CNTNAP2: variants seen among roughly 807,000 people sequenced by gnomAD.
CNTNAP2 encodes contactin associated protein 2.
A neutral mutation model predicts 155.2 loss-of-function variants in CNTNAP2; 98 were observed. That is an observed-to-expected ratio of 0.63 (90% CI 0.54 to 0.75). The LOEUF (loss-of-function observed/expected upper bound fraction) is 0.75. Among genes scored for constraint, CNTNAP2 ranks in the 30% least tolerant of loss-of-function variants. CNTNAP2 has a pLI of 0.00. For missense variants in CNTNAP2, 1,727 were observed against 1,688.1 expected, an observed-to-expected ratio of 1.02 and a Z score of -0.40; for synonymous variants, 651 against 631.2, an observed-to-expected ratio of 1.03 and a Z score of -0.47.
intron 13 of CNTNAP2, among the ~76,000 whole-genome samples, chr7:147,664,581 G>A (rs933162438): frequency 2.6e-5 from 4 of 152,110 alleles, no homozygotes; most frequent in Non-Finnish European, 5.9e-5. Flanking sequence ...CAGCCAAAAC[G>A]AAGCATTCGG....
intron 10 of CNTNAP2, among the ~76,000 whole-genome samples, chr7:147,456,439 A>G (rs528985337): frequency 6.6e-6 from 1 of 152,340 alleles, no homozygotes; most frequent in African/African-American, 2.4e-5. Context: ...ACATGTAATT[A>G]CAAACAGTTT....
chr7:146,367,096 A>G (rs1199489179), intron 1 of CNTNAP2, among the ~76,000 whole-genome samples: 1 of 152,130 alleles, frequency 6.6e-6, no homozygotes, highest in Non-Finnish European at 1.5e-5. Flanking sequence ...CATCTCTGCC[A>G]AAGTTTTCAA....
chr7:147,347,940 T>C (rs1795905115), intron 9 of CNTNAP2, among the ~76,000 whole-genome samples: 1 of 151,974 alleles, frequency 6.6e-6, no homozygotes, highest in Admixed American at 6.6e-5. Context: ...GAAAGGGTAG[T>C]CTCTTCAATA....
intron 3 of CNTNAP2, among the ~76,000 whole-genome samples, chr7:146,963,928 T>C (rs2129231149): frequency 6.6e-6 from 1 of 151,572 alleles, no homozygotes; most frequent in East Asian, 1.9e-4. Context: ...TTTATTTCAC[T>C]GTATTAGGCA....
intron 9 of CNTNAP2, among the ~76,000 whole-genome samples, chr7:147,353,124 T>C (rs1262644039): frequency 6.6e-6 from 1 of 151,644 alleles, no homozygotes; most frequent in Non-Finnish European, 1.5e-5. Context: ...TATGTATATA[T>C]ACATACATAT....
At chr7:147,984,693 A>T (rs183304482) in intron 15 of CNTNAP2, among the ~76,000 whole-genome samples, 191 of 141,268 alleles carry the variant, frequency 1.4e-3, no homozygotes, top group African/African-American at 5.3e-3. Context: ...AGGCATGCAA[A>T]TTTTACTACA....
At chr7:146,885,059 A>G (rs939204350) in intron 3 of CNTNAP2, among the ~76,000 whole-genome samples, 10 of 152,140 alleles carry the variant, frequency 6.6e-5, no homozygotes, top group African/African-American at 2.4e-4. Flanking sequence ...TAAAAATTTC[A>G]TGGAAAAATA....
intron 13 of CNTNAP2, among the ~76,000 whole-genome samples, chr7:147,830,949 C>T (rs1165495632): frequency 6.6e-6 from 1 of 152,182 alleles, no homozygotes; most frequent in Non-Finnish European, 1.5e-5. Context: ...TTATTTTTCT[C>T]AAACAAAACA....
intron 1 of CNTNAP2, among the ~76,000 whole-genome samples, chr7:146,556,399 A>T (rs1798198484): frequency 6.6e-6 from 1 of 152,182 alleles, no homozygotes; most frequent in South Asian, 2.1e-4. Context: ...AAAATGGGGA[A>T]AATAATATTT....
intron 15 of CNTNAP2, among the ~76,000 whole-genome samples, chr7:148,005,915 T>C (rs966537985): frequency 2.0e-5 from 3 of 152,204 alleles, no homozygotes; most frequent in African/African-American, 7.2e-5. Context: ...TTAGGTGTAA[T>C]CCTGTAAGGT....
At chr7:148,414,016 G>A (rs1799916745) in intron 23 of CNTNAP2, among the ~76,000 whole-genome samples, 1 of 151,266 alleles carries the variant, frequency 6.6e-6, no homozygotes, top group African/African-American at 2.4e-5. Flanking sequence ...GTTTAGATCA[G>A]TTATATTTAC....
chr7:148,021,562 A>G (rs1802279250), intron 15 of CNTNAP2, among the ~76,000 whole-genome samples: 1 of 152,230 alleles, frequency 6.6e-6, no homozygotes, highest in Admixed American at 6.5e-5. Flanking sequence ...GGAGAACGGA[A>G]GGCCTCGTGT....
At chr7:147,453,312 C>A (rs1438884419) in intron 10 of CNTNAP2, among the ~76,000 whole-genome samples, 5 of 152,278 alleles carry the variant, frequency 3.3e-5, no homozygotes, top group South Asian at 2.1e-4. Flanking sequence ...GAGACACCGG[C>A]CTTCCTGCTT....
chr7:147,391,829 C>T (rs1447734473), intron 9 of CNTNAP2, among the ~76,000 whole-genome samples: 1 of 149,600 alleles, frequency 6.7e-6, no homozygotes, highest in Non-Finnish European at 1.5e-5. Flanking sequence ...GGAATTTGAT[C>T]TTTGCTTAGA....
intron 11 of CNTNAP2, among the ~76,000 whole-genome samples, chr7:147,515,119 C>T (rs1161475856): frequency 6.6e-6 from 1 of 151,948 alleles, no homozygotes; most frequent in Non-Finnish European, 1.5e-5. Flanking sequence ...ATCGGGCAAG[C>T]ATTAGATTCT....
intron 2 of CNTNAP2, among the ~76,000 whole-genome samples, chr7:146,816,910 G>C (rs1803182070): frequency 6.6e-6 from 1 of 152,162 alleles, no homozygotes; most frequent in African/African-American, 2.4e-5. Context: ...GAGTTTACCT[G>C]AGGAAAATAT....
chr7:148,194,169 A>G (rs892151075), intron 18 of CNTNAP2, among the ~76,000 whole-genome samples: 1 of 144,916 alleles, frequency 6.9e-6, no homozygotes, highest in East Asian at 2.1e-4. Flanking sequence ...GTGTGTACAT[A>G]TTTTTTTTTG....
At chr7:147,021,255 C>T (rs1667343005) in intron 3 of CNTNAP2, among the ~76,000 whole-genome samples, 2 of 129,812 alleles carry the variant, frequency 1.5e-5, no homozygotes, top group Non-Finnish European at 3.4e-5. Context: ...ATGTATGGCC[C>T]AAGACAATTC....
At chr7:147,936,530 C>T (rs1800611671) in intron 14 of CNTNAP2, among the ~76,000 whole-genome samples, 1 of 152,100 alleles carries the variant, frequency 6.6e-6, no homozygotes, top group Non-Finnish European at 1.5e-5. Flanking sequence ...ATAAAGGGTG[C>T]CATTGAGAGG....
Sources: allele counts gnomAD v4.1 joint callset (sites outside exome capture counted in the v4.1 genomes callset), GRCh38; gene constraint gnomAD v4.1.1; transcripts MANE v1.5; gene names NCBI Gene and HGNC (gene_info 2026-07-23, HGNC 2026-07-21).